Variants in HPSE2 observed in about 807,000 individuals in gnomAD.
HPSE2 encodes heparanase 2 (inactive).
Under a neutral mutation model 60.5 loss-of-function variants are expected in HPSE2, and 38 were observed. That is an observed-to-expected ratio of 0.63 (90% CI 0.48 to 0.82). The LOEUF (loss-of-function observed/expected upper bound fraction) is 0.82, where lower values mean the gene tolerates loss of function less well. Among genes scored for constraint, HPSE2 ranks in the 40% least tolerant of loss-of-function variants. The probability of loss-of-function intolerance (pLI) is 0.00; values close to 1 mark genes in which losing one functional copy is unlikely to be tolerated. For missense variants in HPSE2, 713 were observed against 740.4 expected (o/e 0.96, Z 0.43); for synonymous variants, 295 against 293.2 (o/e 1.01, Z -0.06).
At chr10:99,266,824 ACT>A in the HPSE2 span, among the ~76,000 whole-genome samples, 2 of 151,896 alleles carry the variant, frequency 1.3e-5, no homozygotes, top group Non-Finnish European at 2.9e-5. Context: ...ACATCACACG[ACT>A]CTGTGCAGAC....
chr10:99,104,969 A>T (rs562428828), intron 3 of HPSE2, among the ~76,000 whole-genome samples: 1 of 152,074 alleles, frequency 6.6e-6, no homozygotes, highest in East Asian at 1.9e-4. Context: ...GTAAATGACG[A>T]GTTAATGGGT....
chr10:98,484,234 TTTCCTTTCTTCCTTCC>T (rs968387768), intron 10 of HPSE2, among the ~76,000 whole-genome samples: 25 of 152,052 alleles, frequency 1.6e-4, no homozygotes, highest in African/African-American at 5.8e-4. Flanking sequence ...TCCTTTTTTC[TTTCCTTTCTTCCTTCC>T]TTCCTTTCTT....
chr10:98,512,495 G>C (rs12781310), intron 9 of HPSE2, among the ~76,000 whole-genome samples: 1 of 151,408 alleles, frequency 6.6e-6, no homozygotes, highest in Non-Finnish European at 1.5e-5. Flanking sequence ...TGAGGTGGGA[G>C]AATGGCATGA....
intron 9 of HPSE2, among the ~76,000 whole-genome samples, chr10:98,551,679 C>CTT (rs1230805954): frequency 6.6e-6 from 1 of 152,176 alleles, no homozygotes; most frequent in Non-Finnish European, 1.5e-5. Flanking sequence ...ATTTCCTACC[C>CTT]TTTCTTGGTT....
At chr10:99,199,226 A>G (rs776825022) in intron 2 of HPSE2, among the ~76,000 whole-genome samples, 1 of 152,128 alleles carries the variant, frequency 6.6e-6, no homozygotes. Flanking sequence ...AAAGTATCTT[A>G]ATTTTTTAAG....
intron 3 of HPSE2, among the ~76,000 whole-genome samples, chr10:99,123,863 A>G (rs1300946398): frequency 6.6e-6 from 1 of 152,032 alleles, no homozygotes; most frequent in Non-Finnish European, 1.5e-5. Context: ...GCTCATATCC[A>G]CAGGCAGGTC....
chr10:98,593,677 G>A (rs1265601625), intron 9 of HPSE2, among the ~76,000 whole-genome samples: 1 of 152,132 alleles, frequency 6.6e-6, no homozygotes. Flanking sequence ...GAGTTTAGAG[G>A]TGAGTAAGAT....
intron 3 of HPSE2, among the ~76,000 whole-genome samples, chr10:99,032,982 TTAA>T (rs1424557790): frequency 6.6e-6 from 1 of 152,216 alleles, no homozygotes; most frequent in African/African-American, 2.4e-5. Flanking sequence ...ACTAGAAACC[TTAA>T]TTTCATCTAC....
intron 3 of HPSE2, among the ~76,000 whole-genome samples, chr10:99,019,544 A>T (rs894374048): frequency 2.6e-5 from 4 of 152,170 alleles, no homozygotes; most frequent in African/African-American, 9.7e-5. Flanking sequence ...AGATAAGTAC[A>T]TACATGTATA....
At chr10:98,890,305 AT>A (rs1953297912) in intron 3 of HPSE2, among the ~76,000 whole-genome samples, 2 of 152,300 alleles carry the variant, frequency 1.3e-5, no homozygotes, top group Non-Finnish European at 1.5e-5. Context: ...TCAGAAAAAA[AT>A]AACTGAAAAA....
intron 3 of HPSE2, among the ~76,000 whole-genome samples, chr10:99,026,592 T>G (rs1305914957): frequency 6.8e-6 from 1 of 147,002 alleles, no homozygotes; most frequent in Non-Finnish European, 1.5e-5. Flanking sequence ...TAAAGAAACA[T>G]CAGAACTAAT....
the HPSE2 span, among the ~76,000 whole-genome samples, chr10:99,244,382 T>TTTATTATTATTATTA: frequency 5.4e-3 from 719 of 134,142 alleles, 5 homozygotes; most frequent in East Asian, 0.013. Context: ...TTTTATTTCT[T>TTTATTATTATTATTA]TTATTATTAT....
intron 6 of HPSE2, among the ~76,000 whole-genome samples, chr10:98,681,529 G>A (rs1947787554): frequency 6.6e-6 from 1 of 152,130 alleles, no homozygotes; most frequent in African/African-American, 2.4e-5. Flanking sequence ...TCATGCACAT[G>A]GTTTAATAGT....
chr10:98,553,474 T>C (rs563251041), intron 9 of HPSE2, among the ~76,000 whole-genome samples: 1 of 152,336 alleles, frequency 6.6e-6, no homozygotes, highest in African/African-American at 2.4e-5. Flanking sequence ...GTCAACTACA[T>C]GCTCAGACAT....
rs113228015 is a variant in HPSE2 at position 98,816,854 on chromosome 10, CTCCGTG to C, written c.611-72804_611-72799del. ...CCAAGTAAATGCTATTTCCTTTGAC[CTCCGTG>C]TCAATCTTTTTTTTTATTTTTATTT... On this transcript the variant is annotated intron_variant, in intron 3 of 11. Coordinates refer to ENST00000370552, the MANE Select transcript of HPSE2 (RefSeq NM_021828.5). Among the ~76,000 whole-genome samples the C allele has an allele frequency of 8.1e-3, 1,237 of 152,226 alleles. 22 individuals are homozygous for C. Among genetic ancestry groups the C allele is most frequent in the African/African-American group, 0.029 (1,185 of 41,532 alleles).
intron 4 of HPSE2, among the ~76,000 whole-genome samples, chr10:98,734,673 A>AT (rs1451712003): frequency 6.6e-6 from 1 of 152,144 alleles, no homozygotes; most frequent in African/African-American, 2.4e-5. Flanking sequence ...GACACAAAAT[A>AT]TTTTGTCCAA....
At chr10:98,745,608 T>C (rs1165626791) in intron 3 of HPSE2, among the ~76,000 whole-genome samples, 1 of 152,228 alleles carries the variant, frequency 6.6e-6, no homozygotes, top group East Asian at 1.9e-4. Flanking sequence ...CCTTGCCCCA[T>C]TGACCTTTGC....
intron 7 of HPSE2, among the ~76,000 whole-genome samples, chr10:98,631,497 T>C (rs2134011622): frequency 6.6e-6 from 1 of 152,312 alleles, no homozygotes; most frequent in East Asian, 1.9e-4. Context: ...CCCTACCTAC[T>C]TACAAGTCAT....
At chr10:99,112,075 T>A (rs758776591) in intron 3 of HPSE2, among the ~76,000 whole-genome samples, 1 of 152,074 alleles carries the variant, frequency 6.6e-6, no homozygotes, top group Non-Finnish European at 1.5e-5. Context: ...AAAAGGCAAA[T>A]ACTCTAATTC....
Sources: allele counts gnomAD v4.1 joint callset (sites outside exome capture counted in the v4.1 genomes callset), GRCh38; gene constraint gnomAD v4.1.1; transcripts MANE v1.5; gene names NCBI Gene and HGNC (gene_info 2026-07-23, HGNC 2026-07-21).